The following STXBP5 variants were observed in gnomAD, a reference collection of about 807,000 sequenced individuals.
STXBP5 encodes syntaxin binding protein 5.
Under a neutral mutation model 152.4 loss-of-function variants are expected in STXBP5, and 50 were observed. The observed-to-expected ratio is 0.33, with a 90% CI of 0.26 to 0.42. STXBP5 has a LOEUF of 0.42. STXBP5 is among the 10% of genes least tolerant of loss of function. STXBP5 has a pLI of 1.00. For missense variants in STXBP5, 1,167 were observed against 1,388.6 expected (o/e 0.84, Z 2.54); for synonymous variants, 492 against 494.7 (o/e 0.99, Z 0.07).
intron 8 of STXBP5, among the ~76,000 whole-genome samples, chr6:147,287,358 A>G: frequency 6.7e-6 from 1 of 150,346 alleles, no homozygotes; most frequent in East Asian, 1.9e-4. Flanking sequence ...GCCCGCCACT[A>G]CGCCCGGCTA....
intron 26 of STXBP5, among the ~76,000 whole-genome samples, chr6:147,374,416 A>G (rs1785711253): frequency 6.6e-6 from 1 of 151,818 alleles, no homozygotes; most frequent in Non-Finnish European, 1.5e-5. Context: ...TGTTTGTTTG[A>G]CTAATGGAAA....
chr6:147,384,850 C>T lies in STXBP5; in HGVS notation c.*95C>T, dbSNP rs1021514177. 29 of 1,234,526 alleles carry T rather than the reference C, an allele frequency of 2.3e-5. No individual in the cohort carries two copies. Among genetic ancestry groups the T allele is most frequent in the African/African-American group, 1.5e-4 (10 of 66,052 alleles). 76.5% of individuals were successfully genotyped at this position (1,234,526 alleles called of 1,614,324 possible). On this transcript the variant is annotated 3_prime_UTR_variant, in exon 28 of 28. Transcript: ENST00000321680. ...GGAAAGTTAACGTTAAAGGGATGTT[C>T]GTCACTGAATACTGTTCTTTCCTAG...
At chr6:147,265,655 T>A (rs919855676) in intron 6 of STXBP5, among the ~76,000 whole-genome samples, 1 of 151,884 alleles carries the variant, frequency 6.6e-6, no homozygotes, top group Admixed American at 6.6e-5. Context: ...AATACTGAGG[T>A]GGGGCCTGGG....
At chr6:147,378,222 T>C (rs1785906847) in intron 26 of STXBP5, among the ~76,000 whole-genome samples, 1 of 152,022 alleles carries the variant, frequency 6.6e-6, no homozygotes, top group Non-Finnish European at 1.5e-5. Context: ...CATCAACTCA[T>C]TTTGTGTGGC....
chr6:147,211,170 C>T lies in STXBP5; in HGVS notation c.248+5102C>T, dbSNP rs1038284995. Among the ~76,000 whole-genome samples the T allele has an allele frequency of 4.6e-5, 7 of 152,068 alleles. No individual in the cohort carries two copies. In the East Asian group the frequency reaches 1.4e-3, roughly 30 times the overall value. On this transcript the variant is annotated intron_variant, in intron 2 of 27. Transcript: ENST00000321680. ...ACTAAAAACACAAAAATTAGCCTGG[C>T]GTGGTGGTGCACGCCTGTAATCCCA...
chr6:147,252,991 T>C (rs1779174686), intron 4 of STXBP5, among the ~76,000 whole-genome samples: 1 of 152,004 alleles, frequency 6.6e-6, no homozygotes, highest in Non-Finnish European at 1.5e-5. Context: ...ACCACAACCT[T>C]TCAGAGACAC....
chr6:147,333,086 C>T (rs1783658068), intron 18 of STXBP5, among the ~76,000 whole-genome samples: 1 of 152,082 alleles, frequency 6.6e-6, no homozygotes, highest in Non-Finnish European at 1.5e-5. Flanking sequence ...TCTTAGTGTT[C>T]TATCAATAAA....
At chr6:147,219,756 A>G (rs543250919) in intron 2 of STXBP5, among the ~76,000 whole-genome samples, 8 of 138,678 alleles carry the variant, frequency 5.8e-5, no homozygotes, top group African/African-American at 1.9e-4. Context: ...GATGTTAGTA[A>G]TTTGTGTCCC....
chr6:147,204,467 G>A lies in STXBP5; in HGVS notation c.-66G>A, dbSNP rs1776428671. On this transcript the variant is annotated 5_prime_UTR_variant, in exon 1 of 28. Coordinates refer to ENST00000321680, the MANE Select transcript of STXBP5 (RefSeq NM_001127715.4). The surrounding 1 kb of genome is among the most constrained non-coding windows in gnomAD (Gnocchi z 4.3). ...GTCGAAGCTGCCTTCGGCCCCGGGT[G>A]GTCTCCCCCGCCCGGGGACCCCCTG... 2 of 1,548,538 alleles carry A rather than the reference G, an allele frequency of 1.3e-6. No individual in the cohort carries two copies. Among genetic ancestry groups the A allele is most frequent in the South Asian group, 1.2e-5 (1 of 85,572 alleles).
chr6:147,255,203 A>G (rs969432637), intron 4 of STXBP5, among the ~76,000 whole-genome samples: 1 of 152,208 alleles, frequency 6.6e-6, no homozygotes, highest in East Asian at 1.9e-4. Flanking sequence ...ATTCTCAGCA[A>G]ACTAACACAG....
chr6:147,373,022 C>T (rs1399662058), intron 25 of STXBP5, among the ~76,000 whole-genome samples: 2 of 151,982 alleles, frequency 1.3e-5, no homozygotes, highest in African/African-American at 2.4e-5. Context: ...GTTATAATTC[C>T]AAAACTACAT....
intron 2 of STXBP5, among the ~76,000 whole-genome samples, chr6:147,234,660 C>T (rs1778179604): frequency 1.3e-5 from 2 of 151,864 alleles, no homozygotes; most frequent in Non-Finnish European, 2.9e-5. Flanking sequence ...TATGCCAATT[C>T]ATTTTAATCA....
intron 9 of STXBP5, among the ~76,000 whole-genome samples, chr6:147,292,067 T>C (rs1781302392): frequency 6.6e-6 from 1 of 152,172 alleles, no homozygotes; most frequent in Non-Finnish European, 1.5e-5. Context: ...GAAATGCTGA[T>C]GCACTCTAAC....
chr6:147,288,936 C>T (rs1315474259), intron 8 of STXBP5, among the ~76,000 whole-genome samples: 1 of 152,100 alleles, frequency 6.6e-6, no homozygotes, highest in Non-Finnish European at 1.5e-5. Context: ...CCCTCCTTAC[C>T]CTTGGTAGGT....
chr6:147,374,344 A>T (rs1223121143), intron 26 of STXBP5, among the ~76,000 whole-genome samples: 1 of 152,158 alleles, frequency 6.6e-6, no homozygotes, highest in Middle Eastern at 3.2e-3. Flanking sequence ...GACCTTTCTT[A>T]TGAATGGCAG....
At chr6:147,248,915 G>A (rs956892430) in intron 4 of STXBP5, among the ~76,000 whole-genome samples, 1 of 152,158 alleles carries the variant, frequency 6.6e-6, no homozygotes, top group Non-Finnish European at 1.5e-5. Context: ...CCAGTGGACA[G>A]GAGATTGTTT....
chr6:147,318,058 G>C (rs1782729411), intron 16 of STXBP5, among the ~76,000 whole-genome samples: 1 of 151,720 alleles, frequency 6.6e-6, no homozygotes, highest in Admixed American at 6.6e-5. Context: ...GAATTAGAAT[G>C]ATTTATTTAA....
chr6:147,348,341 C>A (rs1272965722), intron 21 of STXBP5, among the ~76,000 whole-genome samples: 1 of 148,178 alleles, frequency 6.7e-6, no homozygotes, highest in Non-Finnish European at 1.5e-5. Context: ...TTCCCTCCCT[C>A]CCTCCCTCTC....
intron 9 of STXBP5, 73 bp downstream of exon 9, chr6:147,291,245 T>G: frequency 7.8e-7 from 1 of 1,286,704 alleles, no homozygotes; most frequent in Admixed American, 2.0e-5. Context: ...ATTTTATCAT[T>G]AATTTTGAAG....
Sources: gnomAD v4.1 joint callset for allele counts (sites outside exome capture counted in the v4.1 genomes callset) on GRCh38, gnomAD v4.1.1 for gene constraint, Gnocchi (gnomAD v3.1) non-coding constraint, MANE v1.5 for transcripts, NCBI Gene and HGNC (gene_info 2026-07-23, HGNC 2026-07-21) for gene names.